DCDC2C: variants seen among roughly 807,000 people sequenced by gnomAD.
DCDC2C encodes the protein doublecortin domain-containing protein 2C.
In DCDC2C, 44 loss-of-function variants were observed where a neutral mutation model predicts 45.0. That is an observed-to-expected ratio of 0.98 (90% CI 0.77 to 1.26). The LOEUF (loss-of-function observed/expected upper bound fraction) is 1.26. Among genes scored for constraint, DCDC2C ranks in the 50% most tolerant of loss-of-function variants. The pLI is 0.00. For synonymous variants in DCDC2C, 187 were observed against 178.8 expected (o/e 1.05, Z -0.37); for missense variants, 447 against 468.9 (o/e 0.95, Z 0.43).
chr2:3,756,522 C>T (rs948680186), intron 6 of DCDC2C, among the ~76,000 whole-genome samples: 1 of 152,182 alleles, frequency 6.6e-6, no homozygotes. Context: ...TTGACTTTCT[C>T]ACCTGCGAGC....
chr2:3,830,533 G>T (rs914369554), intron 10 of DCDC2C, among the ~76,000 whole-genome samples: 1 of 152,158 alleles, frequency 6.6e-6, no homozygotes, highest in African/African-American at 2.4e-5. Context: ...GCTCCTTCTT[G>T]GTTCCAGCTC....
At chr2:3,771,163 G>A (rs7559590) in intron 8 of DCDC2C, among the ~76,000 whole-genome samples, 10,004 of 152,292 alleles carry the variant, frequency 0.066, 1,105 homozygotes, top group African/African-American at 0.23. Flanking sequence ...CGTGCGTGGC[G>A]AGAGCAGAAA....
intron 3 of DCDC2C, among the ~76,000 whole-genome samples, chr2:3,736,441 C>T (rs975616860): frequency 3.3e-5 from 5 of 152,266 alleles, no homozygotes; most frequent in East Asian, 1.9e-4. Context: ...CAGTGAGAAG[C>T]GTGGTGGAGT....
intron 3 of DCDC2C, among the ~76,000 whole-genome samples, chr2:3,740,382 T>A (rs890475503): frequency 6.6e-6 from 1 of 152,244 alleles, no homozygotes; most frequent in African/African-American, 2.4e-5. Context: ...TGATCTATTT[T>A]GCCAAAGTGT....
intron 10 of DCDC2C, among the ~76,000 whole-genome samples, chr2:3,827,178 A>T (rs547913289): frequency 6.6e-6 from 1 of 152,166 alleles, no homozygotes; most frequent in African/African-American, 2.4e-5. Flanking sequence ...ATCAGATTAA[A>T]TTAACCCTGA....
chr2:3,793,212 C>G (rs1180405704), intron 10 of DCDC2C, among the ~76,000 whole-genome samples: 1 of 152,056 alleles, frequency 6.6e-6, no homozygotes, highest in Admixed American at 6.6e-5. Context: ...GTAGTATACC[C>G]AAACGCAAAT....
intron 3 of DCDC2C, among the ~76,000 whole-genome samples, chr2:3,733,886 C>T (rs1038803499): frequency 5.9e-5 from 9 of 152,144 alleles, no homozygotes; most frequent in African/African-American, 1.2e-4. Flanking sequence ...CCTTGAAGTG[C>T]GAGCCAGGGC....
In DCDC2C at chr2:3,846,114, TC is replaced by T. The variant is rs1470692199; in HGVS notation, c.1066-1039del. Among the ~76,000 whole-genome samples the T allele has an allele frequency of 8.6e-5, 13 of 151,898 alleles. No individual in the cohort carries two copies. The East Asian group carries it at 2.5e-3, about 29-fold the overall frequency. On this transcript the variant is annotated intron_variant, in intron 10 of 10. Coordinates refer to ENST00000399143, the MANE Select transcript of DCDC2C (RefSeq NM_001287444.2). Reference sequence around the variant, plus strand: ...TTTTTCTTTCCCTCCTTCCTTCCTTTCTCCCTCCTTCCCTCCTCGTCCTCTT... The same window carrying T: ...TTTTTCTTTCCCTCCTTCCTTCCTTTTCCCTCCTTCCCTCCTCGTCCTCTT...
At chr2:3,782,045 T>C (rs1670523327) in intron 9 of DCDC2C, among the ~76,000 whole-genome samples, 1 of 152,232 alleles carries the variant, frequency 6.6e-6, no homozygotes, top group African/African-American at 2.4e-5. Context: ...TGTTGCACAG[T>C]CACGGCTATG....
chr2:3,798,389 A>T (rs1429806913), intron 10 of DCDC2C, among the ~76,000 whole-genome samples: 5 of 150,950 alleles, frequency 3.3e-5, no homozygotes, highest in African/African-American at 1.2e-4. Context: ...TAATATTGTT[A>T]TGTGTGAATT....
chr2:3,769,366 C>A lies in DCDC2C; in HGVS notation c.909C>A (p.Asp303Glu), dbSNP rs201032770. The part of the protein sequence containing the change: ...TPSKETQGAL[D>E]VKEEHNVQLE... ...GCAAGGAAACCCAAGGGGCGCTGGA[C>A]GTCAAAGAGGAGCACAATGTGCAGC... Residue 303 changes from aspartate to glutamate, a missense_variant, in exon 8 of 11, where the codon GAC becomes GAA. Transcript: ENST00000399143. 3.9e-6 allele frequency: 6 copies of A among 1,550,474 alleles called. No individual in the cohort carries two copies. The Admixed American group carries it at 1.2e-4, about 30-fold the overall frequency.
chr2:3,801,277 C>T (rs897311584), intron 10 of DCDC2C, among the ~76,000 whole-genome samples: 2 of 152,196 alleles, frequency 1.3e-5, no homozygotes, highest in South Asian at 4.1e-4. Context: ...AGGTCTGTGC[C>T]GCTTCCTGGC....
chr2:3,840,845 C>T (rs748812987), intron 10 of DCDC2C, among the ~76,000 whole-genome samples: 10 of 152,166 alleles, frequency 6.6e-5, no homozygotes, highest in Admixed American at 3.3e-4. Flanking sequence ...AAGTGTCCGC[C>T]GCGAGGCCCC....
At chr2:3,751,217 C>A (rs1019484088) in intron 4 of DCDC2C, among the ~76,000 whole-genome samples, 1 of 152,224 alleles carries the variant, frequency 6.6e-6, no homozygotes, top group African/African-American at 2.4e-5. Flanking sequence ...GGGGTGCCCT[C>A]TCCTTAGGAC....
At chr2:3,750,993 A>G (rs1322281208) in intron 4 of DCDC2C, among the ~76,000 whole-genome samples, 5 of 152,048 alleles carry the variant, frequency 3.3e-5, no homozygotes, top group African/African-American at 7.2e-5. Flanking sequence ...TGTCCATTCT[A>G]CGACTCACCC....
intron 4 of DCDC2C, among the ~76,000 whole-genome samples, chr2:3,748,243 A>G (rs1047764910): frequency 6.6e-6 from 1 of 151,844 alleles, no homozygotes; most frequent in Non-Finnish European, 1.5e-5. Context: ...AGGCTCCTAC[A>G]GGTGATCTGG....
chr2:3,808,683 G>GT (rs1168915648), intron 10 of DCDC2C, among the ~76,000 whole-genome samples: 4 of 152,196 alleles, frequency 2.6e-5, no homozygotes, highest in African/African-American at 7.2e-5. Flanking sequence ...TTTTGCAAAT[G>GT]TTTTTTGCCA....
chr2:3,763,455 G>A lies in DCDC2C; in HGVS notation c.727-4299G>A, dbSNP rs558599138. On this transcript the variant is annotated intron_variant, in intron 6 of 10. Transcript: ENST00000399143. ...TCTAAAATGGAAATTTAATTAGCAC[G>A]GTAACTGAAGGCTCCTTGCCCTTGA... Among the ~76,000 whole-genome samples, 8 of 152,290 alleles carry A rather than the reference G, an allele frequency of 5.3e-5. No individual in the cohort carries two copies. In the East Asian group the frequency reaches 9.6e-4, roughly 18 times the overall value.
chr2:3,813,062 TATA>T (rs1377911419), intron 10 of DCDC2C, among the ~76,000 whole-genome samples: 26 of 38,616 alleles, frequency 6.7e-4, no homozygotes, highest in African/African-American at 1.7e-3. Flanking sequence ...TATATATATA[TATA>T]TATTTTTTTT....
Sources: gnomAD v4.1 joint callset for allele counts (sites outside exome capture counted in the v4.1 genomes callset) on GRCh38, gnomAD v4.1.1 for gene constraint, MANE v1.5 for transcripts, NCBI Gene and HGNC (gene_info 2026-07-23, HGNC 2026-07-21) for gene names.